SENP7: variants seen among roughly 807,000 people sequenced by gnomAD.
SENP7 encodes SUMO specific peptidase 7, also known as sentrin-specific protease 7.
A neutral mutation model predicts 141.2 loss-of-function variants in SENP7; 64 were observed. The ratio of observed to expected loss-of-function variants is 0.45; its 90% confidence interval spans 0.37 to 0.56. The LOEUF (loss-of-function observed/expected upper bound fraction) is 0.56. Ranked by LOEUF, SENP7 falls within the 20% of genes least tolerant of loss-of-function variation. The pLI is 0.00. For missense variants in SENP7, 1,025 were observed against 1,212.2 expected, an observed-to-expected ratio of 0.85 and a Z score of 2.29; for synonymous variants, 382 against 426.4, an observed-to-expected ratio of 0.90 and a Z score of 1.28.
intron 6 of SENP7, among the ~76,000 whole-genome samples, chr3:101,394,711 T>C (rs2060917861): frequency 1.3e-5 from 2 of 152,114 alleles, no homozygotes. Flanking sequence ...TTTAGTTTTC[T>C]GAGAAATCTC....
rs1442119481 is a variant in SENP7, at chr3:101,347,969, G to A, written c.1740C>T (p.His580=). 8.1e-6 allele frequency: 13 copies of A among 1,610,514 alleles called. No individual in the cohort carries two copies. Among genetic ancestry groups the A allele is most frequent in the South Asian group, 2.2e-5 (2 of 90,756 alleles). The change falls in exon 13 of 24, where the codon CAC becomes CAT. Residue 580 remains histidine (H), a synonymous_variant. Transcript: ENST00000394095. The stretch of plus-strand genomic sequence containing the variant: ...AAAGAATAGCATGACTCCTTTTACT[G>A]TGATTATCATCCTTACTTTTCCATA... ...FGLWKSKDDN[H]SKRSHAILFF...
At chr3:101,368,778 T>C (rs1394438417) in intron 7 of SENP7, among the ~76,000 whole-genome samples, 1 of 152,186 alleles carries the variant, frequency 6.6e-6, no homozygotes, top group Non-Finnish European at 1.5e-5. Context: ...AGAAAATTCA[T>C]GTCTTAAAGT....
chr3:101,349,679 TATA>T (rs1422278976), intron 12 of SENP7, among the ~76,000 whole-genome samples: 1 of 152,026 alleles, frequency 6.6e-6, no homozygotes, highest in Non-Finnish European at 1.5e-5. Flanking sequence ...AAACTTAAAG[TATA>T]ATAATAATAA....
chr3:101,358,718 T>G (rs1225317113), intron 11 of SENP7: 4 of 157,638 alleles, frequency 2.5e-5, no homozygotes, highest in African/African-American at 9.6e-5. Flanking sequence ...CACTGCAACC[T>G]CCGCCTCCTG....
chr3:101,484,614 T>C (rs922486586), intron 3 of SENP7, among the ~76,000 whole-genome samples: 3 of 152,136 alleles, frequency 2.0e-5, no homozygotes, highest in East Asian at 3.9e-4. Context: ...GTGCCCCCAA[T>C]GGAGAAGCTG....
chr3:101,363,839 A>G (rs186953814), intron 10 of SENP7, among the ~76,000 whole-genome samples: 1 of 152,350 alleles, frequency 6.6e-6, no homozygotes, highest in East Asian at 1.9e-4. Flanking sequence ...ATTATTCAAA[A>G]ACAAAACAAG....
intron 3 of SENP7, among the ~76,000 whole-genome samples, chr3:101,485,184 A>G (rs958522202): frequency 6.6e-6 from 1 of 152,018 alleles, no homozygotes; most frequent in African/African-American, 2.4e-5. Context: ...CCCTGGTAGC[A>G]TAAGACAAAG....
intron 1 of SENP7, among the ~76,000 whole-genome samples, chr3:101,509,158 C>T (rs1298229090): frequency 1.3e-5 from 2 of 152,100 alleles, no homozygotes; most frequent in Non-Finnish European, 2.9e-5. Context: ...CCCTTTCCCA[C>T]TCCCTACCAA....
chr3:101,346,210 A>G (rs2059449299), intron 13 of SENP7, among the ~76,000 whole-genome samples: 1 of 152,260 alleles, frequency 6.6e-6, no homozygotes, highest in Non-Finnish European at 1.5e-5. Flanking sequence ...CCACAATGCG[A>G]TACCACCTTA....
chr3:101,351,864 T>C (rs1361434343), intron 11 of SENP7, among the ~76,000 whole-genome samples: 3 of 151,952 alleles, frequency 2.0e-5, no homozygotes, highest in Non-Finnish European at 4.4e-5. Flanking sequence ...CTCAATATGC[T>C]CATTTACAAA....
chr3:101,414,638 CT>C, intron 5 of SENP7: 1 of 1,532,156 alleles, frequency 6.5e-7, no homozygotes, highest in Non-Finnish European at 9.0e-7. Flanking sequence ...AAATAAAAGT[CT>C]TTGCCAGTGG....
At chr3:101,377,838 C>T (rs1326413288) in intron 6 of SENP7, among the ~76,000 whole-genome samples, 1 of 152,192 alleles carries the variant, frequency 6.6e-6, no homozygotes, top group African/African-American at 2.4e-5. Flanking sequence ...TCCAGGTATG[C>T]TGTTGCACCA....
Position 101,366,741 on chromosome 3 carries a change from G to A in SENP7, c.1007C>T (p.Ser336Phe). ...TKKQEDDSTI[S>F]TEFEKPSENY... Reference sequence around the variant, plus strand: ...TTCACTTGGCTTTTCAAACTCAGTGGATATTGTTGAGTCATCTTCTTGTTT... The same window carrying A: ...TTCACTTGGCTTTTCAAACTCAGTGAATATTGTTGAGTCATCTTCTTGTTT... Residue 336 changes from serine to phenylalanine, a missense_variant, in exon 9 of 24, where the codon TCC becomes TTC. Ser to Phe is a radical substitution (Grantham distance 155, BLOSUM62 -2). Around this residue, in one of 4 missense-constraint regions of SENP7, gnomAD observed 496 missense variants for 503.5 expected, o/e 0.99. Transcript: ENST00000394095. The A allele has an allele frequency of 6.2e-7, 1 of 1,600,374 alleles. No homozygotes were observed. Among genetic ancestry groups the A allele is most frequent in the Non-Finnish European group, 8.5e-7 (1 of 1,172,370 alleles).
intron 6 of SENP7, among the ~76,000 whole-genome samples, chr3:101,396,022 C>T (rs958512537): frequency 3.3e-5 from 5 of 152,266 alleles, no homozygotes; most frequent in African/African-American, 4.8e-5. Context: ...TTTAAAGACA[C>T]GGTAAGAAAC....
chr3:101,482,766 A>G (rs1294022177), intron 3 of SENP7, among the ~76,000 whole-genome samples: 1 of 151,954 alleles, frequency 6.6e-6, no homozygotes, highest in African/African-American at 2.4e-5. Flanking sequence ...TTTAATAAAT[A>G]GATCAAAGAA....
chr3:101,510,612 GGAGGCC>G (rs2065812266), intron 1 of SENP7, among the ~76,000 whole-genome samples: 1 of 152,142 alleles, frequency 6.6e-6, no homozygotes, highest in East Asian at 1.9e-4. Context: ...CAGCACTTTG[GGAGGCC>G]GAGGCAAGTG....
chr3:101,475,951 C>CA (rs992789605), intron 3 of SENP7, among the ~76,000 whole-genome samples: 3 of 151,390 alleles, frequency 2.0e-5, no homozygotes, highest in Non-Finnish European at 4.4e-5. Flanking sequence ...GAAAATAAAC[C>CA]AAAAAAAATT....
At chr3:101,499,575 G>A (rs148085114) in intron 2 of SENP7, among the ~76,000 whole-genome samples, 62 of 134,624 alleles carry the variant, frequency 4.6e-4, no homozygotes, top group Middle Eastern at 8.4e-3. Flanking sequence ...TCGCTCTGTC[G>A]CCCAGTCTAG....
intron 11 of SENP7, chr3:101,357,242 C>A (rs187707120): frequency 7.6e-6 from 3 of 395,346 alleles, no homozygotes; most frequent in East Asian, 5.7e-5. Context: ...CTCAGGTGAT[C>A]CACCTACCTC....
Sources: allele counts gnomAD v4.1 joint callset (sites outside exome capture counted in the v4.1 genomes callset), GRCh38; gene constraint gnomAD v4.1.1; regional missense constraint gnomAD v4.1.1; transcripts MANE v1.5; gene names NCBI Gene and HGNC (gene_info 2026-07-23, HGNC 2026-07-21).